The following CPE variants were observed in gnomAD, a reference collection of about 807,000 sequenced individuals.
CPE encodes carboxypeptidase E, also known as carbocypeptidase E.
In CPE, 17 loss-of-function variants were observed where a neutral mutation model predicts 53.5. That is an observed-to-expected ratio of 0.32 (90% CI 0.22 to 0.48). The LOEUF (loss-of-function observed/expected upper bound fraction) is 0.48. Among genes scored for constraint, CPE ranks in the 20% least tolerant of loss-of-function variants. The pLI is 0.99. For synonymous variants in CPE, 226 were observed against 228.8 expected, an observed-to-expected ratio of 0.99 and a Z score of 0.11; for missense variants, 524 against 614.7, an observed-to-expected ratio of 0.85 and a Z score of 1.56.
chr4:165,477,022 G>T (rs111410353), intron 3 of CPE, among the ~76,000 whole-genome samples: 2 of 152,350 alleles, frequency 1.3e-5, no homozygotes, highest in South Asian at 4.1e-4. Flanking sequence ...CCCATTGCTT[G>T]CATTGACTTG....
At chr4:165,380,413 T>G (rs1334719871) in intron 1 of CPE, among the ~76,000 whole-genome samples, 1 of 152,206 alleles carries the variant, frequency 6.6e-6, no homozygotes, top group Non-Finnish European at 1.5e-5. Flanking sequence ...TGGTTTATGT[T>G]AATTGTGATG....
At chr4:165,398,981 C>CAATT (rs1172307865) in intron 1 of CPE, among the ~76,000 whole-genome samples, 1 of 152,082 alleles carries the variant, frequency 6.6e-6, no homozygotes, top group African/African-American at 2.4e-5. Flanking sequence ...CTATTATAAC[C>CAATT]AATTAATTCA....
At chr4:165,481,260 C>A (rs1247605681) in intron 3 of CPE, among the ~76,000 whole-genome samples, 2 of 152,096 alleles carry the variant, frequency 1.3e-5, no homozygotes, top group Non-Finnish European at 2.9e-5. Context: ...CTTTCAGATT[C>A]CTCCTTGTGA....
At chr4:165,481,272 A>T (rs1031507119) in intron 3 of CPE, among the ~76,000 whole-genome samples, 1 of 152,178 alleles carries the variant, frequency 6.6e-6, no homozygotes, top group African/African-American at 2.4e-5. Context: ...TCCTTGTGAA[A>T]TGGGTATGAA....
At chr4:165,456,991 T>A (rs769816086) in intron 1 of CPE, among the ~76,000 whole-genome samples, 1 of 151,968 alleles carries the variant, frequency 6.6e-6, no homozygotes, top group African/African-American at 2.4e-5. Context: ...CACCCGCCAC[T>A]GCCTCCCAAA....
intron 3 of CPE, among the ~76,000 whole-genome samples, chr4:165,476,054 G>A (rs1270553217): frequency 6.6e-6 from 1 of 152,158 alleles, no homozygotes; most frequent in Non-Finnish European, 1.5e-5. Flanking sequence ...GAATCCATAT[G>A]GGTTTGCAGC....
chr4:165,444,015 C>A (rs947739414), intron 1 of CPE, among the ~76,000 whole-genome samples: 1 of 152,176 alleles, frequency 6.6e-6, no homozygotes, highest in African/African-American at 2.4e-5. Flanking sequence ...TTGACCTTGG[C>A]CATCCTAGCA....
intron 1 of CPE, among the ~76,000 whole-genome samples, chr4:165,448,044 A>T (rs553423105): frequency 3.9e-5 from 6 of 152,224 alleles, no homozygotes; most frequent in Non-Finnish European, 8.8e-5. Flanking sequence ...ACATATGTAC[A>T]TATCCACAAG....
rs1730466138 is a variant in CPE at position 165,379,438 on chromosome 4, A to G, written c.217A>G (p.Ile73Val). The change falls in exon 1 of 9, where the codon ATC becomes GTC. Residue 73 changes from isoleucine to valine, a missense_variant. Transcript: ENST00000402744. This position sits in a 1 kb window ranked among gnomAD's most constrained non-coding sequence, Gnocchi z 6.0. The stretch of plus-strand genomic sequence containing the variant: ...GTCCGTGTGGCTGCAGTGCACCGCC[A>G]TCAGCAGGATTTACACGGTGGGGCG... ...LVSVWLQCTA[I>V]SRIYTVGRSF... is the part of the protein sequence containing the mutation. The G allele has an allele frequency of 6.2e-7, 1 of 1,610,392 alleles. No homozygotes were observed. The highest frequency in any genetic ancestry group is 8.5e-7 in the Non-Finnish European group (1 of 1,178,790).
chr4:165,464,539 A>G lies in CPE; in HGVS notation c.457A>G (p.Ile153Val), dbSNP rs753495279. The change falls in exon 2 of 9, where the codon ATC becomes GTC. Residue 153 changes from isoleucine (I) to valine (V), a missense_variant. By Grantham distance (29) the Ile-to-Val change is conservative (BLOSUM62 3). Transcript: ENST00000402744. ...VNLIHSTRIHIMPSLNPDGFE... is the reference protein window; with the variant it reads ...VNLIHSTRIHVMPSLNPDGFE... ...CCTGATCCACAGTACCCGCATTCAC[A>G]TCATGCCTTCCCTGAACCCAGATGG... The G allele has an allele frequency of 1.2e-6, 2 of 1,613,572 alleles. No individual in the cohort carries two copies. Among genetic ancestry groups the G allele is most frequent in the Non-Finnish European group, 1.7e-6 (2 of 1,179,702 alleles).
chr4:165,430,721 T>C (rs932535803), intron 1 of CPE, among the ~76,000 whole-genome samples: 7 of 152,152 alleles, frequency 4.6e-5, no homozygotes, highest in Non-Finnish European at 8.8e-5. Context: ...GATATACATT[T>C]CAGACCTACT....
chr4:165,483,836 T>C (rs1490295902), intron 4 of CPE, among the ~76,000 whole-genome samples: 1 of 152,220 alleles, frequency 6.6e-6, no homozygotes, highest in South Asian at 2.1e-4. Context: ...ATTTTAGATA[T>C]TGGAAACTGA....
chr4:165,444,161 A>G (rs1731662274), intron 1 of CPE, among the ~76,000 whole-genome samples: 1 of 152,194 alleles, frequency 6.6e-6, no homozygotes, highest in Admixed American at 6.5e-5. Flanking sequence ...CGTAACACCT[A>G]TAAAGTCGGT....
chr4:165,398,241 T>C lies in CPE; in HGVS notation c.307+18713T>C, dbSNP rs549532080. Among the ~76,000 whole-genome samples, 11 of 152,172 alleles carry C rather than the reference T, an allele frequency of 7.2e-5. No homozygotes were observed. In the South Asian group the frequency reaches 1.9e-3, roughly 26 times the overall value. ...CATCAGATATAATATTAGTAAAAGA[T>C]TGATAAGAGCATGTACCAGTGACAA... On this transcript the variant is annotated intron_variant, in intron 1 of 8. Transcript: ENST00000402744.
chr4:165,493,114 C>T (rs1342543897), intron 6 of CPE, 57 bp from the exon 7 acceptor site: 11 of 1,074,908 alleles, frequency 1.0e-5, no homozygotes, highest in Middle Eastern at 4.0e-4. Context: ...ATATTTAAGG[C>T]CATTTCTATA....
At chr4:165,472,761 C>A (rs1453025946) in intron 3 of CPE, among the ~76,000 whole-genome samples, 1 of 152,062 alleles carries the variant, frequency 6.6e-6, no homozygotes, top group African/African-American at 2.4e-5. Context: ...TAAACTAGGT[C>A]AAAAAAATCC....
At chr4:165,493,065 G>A (rs1401071690) in intron 6 of CPE, 106 bp from the exon 7 acceptor site, 5 of 669,472 alleles carry the variant, frequency 7.5e-6, no homozygotes, top group Admixed American at 2.8e-5. Context: ...GGGGGTCTAC[G>A]GTATTTGCTG....
chr4:165,446,732 C>T (rs1043831303), intron 1 of CPE, among the ~76,000 whole-genome samples: 4 of 152,204 alleles, frequency 2.6e-5, no homozygotes, highest in South Asian at 2.1e-4. Flanking sequence ...TCACACATTA[C>T]GAAGGGGGGT....
In CPE at chr4:165,498,072, C is replaced by T. The variant is rs1280939623; in HGVS notation, c.*462C>T. ...ACTTAAATAGTTCAGTATAAATTGT[C>T]GTTTTTTTCTTGTGCTGACTAACTA... On this transcript the variant is annotated 3_prime_UTR_variant, in exon 9 of 9. Coordinates refer to ENST00000402744, the MANE Select transcript of CPE (RefSeq NM_001873.4). 2 of 152,052 alleles carry T rather than the reference C, an allele frequency of 1.3e-5. No homozygotes were observed. Among genetic ancestry groups the T allele is most frequent in the Non-Finnish European group, 2.9e-5 (2 of 67,996 alleles). 9.4% of individuals were successfully genotyped at this position (152,052 alleles called of 1,614,324 possible).
Sources: allele counts gnomAD v4.1 joint callset (sites outside exome capture counted in the v4.1 genomes callset), GRCh38; gene constraint gnomAD v4.1.1; non-coding constraint Gnocchi (gnomAD v3.1); transcripts MANE v1.5; gene names NCBI Gene and HGNC (gene_info 2026-07-23, HGNC 2026-07-21).